Variants in KIF26B observed in about 807,000 individuals in gnomAD.
The protein encoded by KIF26B is kinesin family member 26B.
A neutral mutation model predicts 151.2 loss-of-function variants in KIF26B; 63 were observed. That is an observed-to-expected ratio of 0.42 (90% confidence interval 0.34 to 0.51). The LOEUF is 0.51. KIF26B is among the 20% of genes least tolerant of loss of function. The pLI, the probability that KIF26B is intolerant of heterozygous loss-of-function variation, is 0.07. For synonymous variants in KIF26B, 1,357 were observed against 1,262.1 expected (o/e 1.08, Z -1.59); for missense variants, 2,813 against 2,913.6 (o/e 0.97, Z 0.79).
intron 5 of KIF26B, among the ~76,000 whole-genome samples, chr1:245,569,134 G>T (rs2103121509): frequency 6.6e-6 from 1 of 152,274 alleles, no homozygotes; most frequent in Non-Finnish European, 1.5e-5. Flanking sequence ...AGGATCTAGA[G>T]CCCTTTGCTG....
intron 3 of KIF26B, among the ~76,000 whole-genome samples, chr1:245,408,349 CTTTTTTTTTTT>C (rs58724712): frequency 8.8e-6 from 1 of 113,332 alleles, no homozygotes; most frequent in East Asian, 2.7e-4. Flanking sequence ...TTAAATGATT[CTTTTTTTTTTT>C]TTTTTTTTTT....
At chr1:245,288,690 C>T (rs10924157) in intron 2 of KIF26B, among the ~76,000 whole-genome samples, 72,547 of 151,966 alleles carry the variant, frequency 0.48, 17,576 homozygotes, top group East Asian at 0.65. Context: ...TGTCTAGTTC[C>T]GTTACGTTTT....
rs143903585 is a variant in KIF26B at position 245,325,666 on chromosome 1, G to A, written c.466-41168G>A. On this transcript the variant is annotated intron_variant, in intron 2 of 14. Coordinates refer to ENST00000407071, the MANE Select transcript of KIF26B (RefSeq NM_018012.4). ...GCAGAGGTTGCGGTGAGCCAAGATC[G>A]CATCGTTGCACTCCAGCCTGGGCAA... Among the ~76,000 whole-genome samples, 36 of 151,738 alleles carry A rather than the reference G, an allele frequency of 2.4e-4. No homozygotes were observed. The East Asian group carries it at 3.9e-3, about 16-fold the overall frequency.
At chr1:245,464,757 C>T (rs1659741127) in intron 4 of KIF26B, among the ~76,000 whole-genome samples, 1 of 151,992 alleles carries the variant, frequency 6.6e-6, no homozygotes, top group Admixed American at 6.6e-5. Context: ...TACCAGAGTC[C>T]AGAAGACAGA....
intron 5 of KIF26B, among the ~76,000 whole-genome samples, chr1:245,549,706 A>G (rs1661831505): frequency 6.6e-6 from 1 of 152,234 alleles, no homozygotes; most frequent in South Asian, 2.1e-4. Context: ...CGTATCAAAT[A>G]GAAAATATTT....
At chr1:245,654,581 A>G (rs1455737140) in intron 10 of KIF26B, among the ~76,000 whole-genome samples, 1 of 152,196 alleles carries the variant, frequency 6.6e-6, no homozygotes. Context: ...TCATGGAGCC[A>G]CTTCCCACGC....
At chr1:245,264,655 G>A (rs1309492237) in intron 2 of KIF26B, among the ~76,000 whole-genome samples, 4 of 152,150 alleles carry the variant, frequency 2.6e-5, no homozygotes, top group Non-Finnish European at 5.9e-5. Flanking sequence ...AGCACTTTGG[G>A]AGGCTGAGAC....
chr1:245,240,946 ACT>A (rs1294018579), intron 2 of KIF26B, among the ~76,000 whole-genome samples: 7 of 151,848 alleles, frequency 4.6e-5, no homozygotes, highest in Non-Finnish European at 1.0e-4. Context: ...AAGATAAAGG[ACT>A]CTGGCCCGGC....
chr1:245,686,832 C>T lies in KIF26B; in HGVS notation c.3849C>T (p.Ser1283=), dbSNP rs780582122. The T allele has an allele frequency of 5.6e-6, 9 of 1,613,408 alleles. No individual in the cohort carries two copies. Among genetic ancestry groups the T allele is most frequent in the Admixed American group, 3.3e-5 (2 of 59,980 alleles). Reference sequence around the variant, plus strand: ...GCTCTTCCATCAGCTCCTGGCTGAGCGAGATGAGCGCGGGCAGTGAGGGTG... The same window carrying T: ...GCTCTTCCATCAGCTCCTGGCTGAGTGAGATGAGCGCGGGCAGTGAGGGTG... ...SRRSSISSWL[S]EMSAGSEGEQ... The change falls in exon 12 of 15, where the codon AGC becomes AGT. Residue 1283 remains serine (S), a synonymous_variant. Coordinates refer to ENST00000407071, the MANE Select transcript of KIF26B (RefSeq NM_018012.4). This position sits in a 1 kb window ranked among gnomAD's most constrained non-coding sequence, Gnocchi z 5.6.
chr1:245,228,356 C>T (rs575231901), intron 2 of KIF26B, among the ~76,000 whole-genome samples: 4 of 152,268 alleles, frequency 2.6e-5, no homozygotes, highest in South Asian at 2.1e-4. Flanking sequence ...CACCTGAGGT[C>T]GGGAGTTCGA....
intron 2 of KIF26B, among the ~76,000 whole-genome samples, chr1:245,312,690 G>C (rs902809651): frequency 6.6e-6 from 1 of 152,250 alleles, no homozygotes; most frequent in South Asian, 2.1e-4. Flanking sequence ...GAGAGGTTAC[G>C]TGACATGCCC....
intron 2 of KIF26B, among the ~76,000 whole-genome samples, chr1:245,225,564 C>T (rs1669857514): frequency 6.6e-6 from 1 of 152,198 alleles, no homozygotes; most frequent in Admixed American, 6.5e-5. Context: ...GTCAGTGACT[C>T]CTTTTCTGTG....
intron 10 of KIF26B, among the ~76,000 whole-genome samples, chr1:245,670,350 CTCA>C: frequency 6.6e-6 from 1 of 150,452 alleles, no homozygotes; most frequent in Admixed American, 6.6e-5. Context: ...TATTAAACGT[CTCA>C]TATTTCCCCC....
chr1:245,382,202 C>G (rs1024957917), intron 3 of KIF26B, among the ~76,000 whole-genome samples: 1 of 152,144 alleles, frequency 6.6e-6, no homozygotes, highest in Non-Finnish European at 1.5e-5. Flanking sequence ...ATACGGGTTC[C>G]AATTTCTCCA....
intron 10 of KIF26B, among the ~76,000 whole-genome samples, chr1:245,668,562 C>CCTTTTT (rs1225227351): frequency 6.6e-6 from 1 of 152,202 alleles, no homozygotes; most frequent in Non-Finnish European, 1.5e-5. Context: ...AAGCATTCTT[C>CCTTTTT]AGCTTAATTT....
chr1:245,569,088 C>T (rs971809152), intron 5 of KIF26B, among the ~76,000 whole-genome samples: 8 of 152,076 alleles, frequency 5.3e-5, no homozygotes, highest in East Asian at 1.9e-4. Flanking sequence ...TATTCCTTGT[C>T]GTCAATGAAT....
At chr1:245,683,553 A>C (rs1255956107) in intron 10 of KIF26B, among the ~76,000 whole-genome samples, 2 of 152,164 alleles carry the variant, frequency 1.3e-5, no homozygotes, top group Non-Finnish European at 2.9e-5. Flanking sequence ...CCCGCACAGC[A>C]CCTGCACAGT....
At chr1:245,354,442 G>C (rs1364613954) in intron 2 of KIF26B, among the ~76,000 whole-genome samples, 1 of 152,214 alleles carries the variant, frequency 6.6e-6, no homozygotes, top group Non-Finnish European at 1.5e-5. Context: ...GTTTCACATG[G>C]CCAGGACCTC....
intron 5 of KIF26B, among the ~76,000 whole-genome samples, chr1:245,548,042 C>G (rs776184492): frequency 6.6e-6 from 1 of 152,202 alleles, no homozygotes; most frequent in Non-Finnish European, 1.5e-5. Flanking sequence ...CTCTTCTGAA[C>G]ACATTTTTGT....
Sources: allele counts gnomAD v4.1 joint callset (sites outside exome capture counted in the v4.1 genomes callset), GRCh38; gene constraint gnomAD v4.1.1; non-coding constraint Gnocchi (gnomAD v3.1); transcripts MANE v1.5; gene names NCBI Gene and HGNC (gene_info 2026-07-23, HGNC 2026-07-21).